APBB2: variants seen among roughly 807,000 people sequenced by gnomAD.
The protein encoded by APBB2 is Fe65-like 1.
A neutral mutation model predicts 82.5 loss-of-function variants in APBB2; 38 were observed. The ratio of observed to expected loss-of-function variants is 0.46; its 90% CI spans 0.36 to 0.60. The LOEUF (loss-of-function observed/expected upper bound fraction) is 0.60. Ranked by LOEUF, APBB2 falls within the 20% of genes least tolerant of loss-of-function variation. The probability of loss-of-function intolerance (pLI) is 0.00; values close to 1 mark genes in which losing one functional copy is unlikely to be tolerated. For synonymous variants in APBB2, 341 were observed against 368.2 expected (o/e 0.93, Z 0.85); for missense variants, 772 against 972.3 (o/e 0.79, Z 2.74).
At chr4:41,120,074 T>C (rs1752343074) in intron 2 of APBB2, among the ~76,000 whole-genome samples, 2 of 152,250 alleles carry the variant, frequency 1.3e-5, no homozygotes, top group South Asian at 4.2e-4. Flanking sequence ...CGAGTTGAAG[T>C]CAAGACACAG....
In APBB2 at chr4:40,821,976, T is replaced by C. The variant is rs1215283425; in HGVS notation, c.2007A>G (p.Thr669=). 6.2e-7 allele frequency: 1 copy of C among 1,613,984 alleles called. No individual in the cohort carries two copies. Among genetic ancestry groups the C allele is most frequent in the Non-Finnish European group, 8.5e-7 (1 of 1,180,018 alleles). Residue 669 remains threonine (T), a synonymous_variant, in exon 17 of 18, where the codon ACA becomes ACG. Transcript: ENST00000508593. The part of the protein sequence containing the change: ...SFMGVGKDVH[T]FAFIMDTGNQ... ...TCCCCGTGTCCATGATGAAGGCAAA[T>C]GTGTGGACGTCCTTCCCAACACCCA... is the stretch of plus-strand genomic sequence containing the variant.
At chr4:41,197,614 G>A in intron 1 of APBB2, among the ~76,000 whole-genome samples, 7,567 of 152,202 alleles carry the variant, frequency 0.05, 372 homozygotes, top group African/African-American at 0.12. Flanking sequence ...GGTGTCTGCT[G>A]TACCTGCCAA....
chr4:41,042,838 G>A (rs1210532047), intron 4 of APBB2, among the ~76,000 whole-genome samples: 1 of 152,132 alleles, frequency 6.6e-6, no homozygotes, highest in Non-Finnish European at 1.5e-5. Flanking sequence ...AATACTAATG[G>A]CTATTGTTTA....
chr4:40,988,551 T>A (rs556047103), intron 6 of APBB2, among the ~76,000 whole-genome samples: 39 of 138,750 alleles, frequency 2.8e-4, no homozygotes, highest in African/African-American at 1.0e-3. Context: ...GGCAGGAGAA[T>A]CACTTGAACC....
chr4:41,111,219 C>T (rs1175237394), intron 2 of APBB2, among the ~76,000 whole-genome samples: 1 of 152,216 alleles, frequency 6.6e-6, no homozygotes, highest in African/African-American at 2.4e-5. Context: ...ACTCACCTGC[C>T]ACTCACCTCC....
intron 3 of APBB2, among the ~76,000 whole-genome samples, chr4:41,072,163 GC>G (rs1734122974): frequency 6.6e-6 from 1 of 152,208 alleles, no homozygotes. Flanking sequence ...AAGAGCTGTG[GC>G]CGACTAGAGT....
At chr4:41,119,645 T>A (rs368732346) in intron 2 of APBB2, among the ~76,000 whole-genome samples, 11 of 151,608 alleles carry the variant, frequency 7.3e-5, no homozygotes, top group East Asian at 5.8e-4. Context: ...ATTAACATAC[T>A]CCACCATACT....
chr4:40,897,252 C>T (rs1773918860), intron 10 of APBB2, among the ~76,000 whole-genome samples: 1 of 152,182 alleles, frequency 6.6e-6, no homozygotes, highest in Admixed American at 6.5e-5. Context: ...GCCTGTAATC[C>T]CAGCACTTTT....
chr4:40,877,461 G>A (rs1003638850), intron 12 of APBB2, among the ~76,000 whole-genome samples: 5 of 152,202 alleles, frequency 3.3e-5, no homozygotes, highest in Non-Finnish European at 7.3e-5. Flanking sequence ...TCTGTATAAA[G>A]GCAGGTCATG....
At chr4:40,992,663 A>T (rs1802475789) in intron 6 of APBB2, among the ~76,000 whole-genome samples, 1 of 152,178 alleles carries the variant, frequency 6.6e-6, no homozygotes, top group South Asian at 2.1e-4. Flanking sequence ...AAACGCTGGT[A>T]ACCCCTGGAA....
chr4:41,193,005 T>C (rs1324376812), intron 1 of APBB2, among the ~76,000 whole-genome samples: 1 of 152,248 alleles, frequency 6.6e-6, no homozygotes, highest in Non-Finnish European at 1.5e-5. Flanking sequence ...ATTTGATTTC[T>C]AGTAGTGAGC....
intron 2 of APBB2, among the ~76,000 whole-genome samples, chr4:41,103,306 T>G (rs1162895629): frequency 1.3e-5 from 2 of 152,178 alleles, no homozygotes; most frequent in Non-Finnish European, 2.9e-5. Context: ...GATAGATTCT[T>G]GCAGACAAGA....
intron 1 of APBB2, among the ~76,000 whole-genome samples, chr4:41,188,788 C>T (rs2154069095): frequency 6.6e-6 from 1 of 152,180 alleles, no homozygotes; most frequent in Non-Finnish European, 1.5e-5. Context: ...GTGGCACGTG[C>T]CTGTAGTCTG....
chr4:40,927,687 G>T (rs1318682579), intron 10 of APBB2, among the ~76,000 whole-genome samples: 1 of 152,092 alleles, frequency 6.6e-6, no homozygotes, highest in Admixed American at 6.5e-5. Flanking sequence ...TCACCATGTT[G>T]CCCAGGCTGG....
At chr4:40,928,043 G>A (rs1028112458) in intron 10 of APBB2, among the ~76,000 whole-genome samples, 5 of 152,208 alleles carry the variant, frequency 3.3e-5, no homozygotes, top group Admixed American at 6.6e-5. Context: ...TGAGCACAGC[G>A]GGTGATGGGG....
chr4:41,025,144 T>G (rs1048026131), intron 5 of APBB2, among the ~76,000 whole-genome samples: 3 of 152,108 alleles, frequency 2.0e-5, no homozygotes, highest in African/African-American at 7.2e-5. Context: ...CCGGTCCTCC[T>G]TCACTCCCAC....
intron 2 of APBB2, among the ~76,000 whole-genome samples, chr4:41,124,203 A>C (rs985604467): frequency 1.8e-4 from 28 of 152,224 alleles, no homozygotes; most frequent in African/African-American, 6.7e-4. Flanking sequence ...ACTTTTCTTC[A>C]AGCATTTATT....
At chr4:40,829,696 T>G (rs1264354268) in intron 13 of APBB2, among the ~76,000 whole-genome samples, 3 of 144,388 alleles carry the variant, frequency 2.1e-5, no homozygotes, top group East Asian at 2.1e-4. Flanking sequence ...GGGCAGAGGG[T>G]GGGGGGATGT....
At chr4:41,132,691 CT>C (rs1756399640) in intron 2 of APBB2, among the ~76,000 whole-genome samples, 1 of 152,154 alleles carries the variant, frequency 6.6e-6, no homozygotes, top group Non-Finnish European at 1.5e-5. Context: ...TATTTTTCAA[CT>C]CAATGTTTTA....
Sources: gnomAD v4.1 joint callset for allele counts (sites outside exome capture counted in the v4.1 genomes callset) on GRCh38, gnomAD v4.1.1 for gene constraint, MANE v1.5 for transcripts, NCBI Gene and HGNC (gene_info 2026-07-23, HGNC 2026-07-21) for gene names.